The following SPATA18 variants were observed in gnomAD, a reference collection of about 807,000 sequenced individuals.
SPATA18 encodes the protein spermatogenesis associated 18.
Under a neutral mutation model 68.1 loss-of-function variants are expected in SPATA18, and 54 were observed. The observed-to-expected ratio is 0.79, with a 90% CI of 0.64 to 0.99. The LOEUF is 0.99. Ranked by LOEUF, SPATA18 falls within the 50% of genes least tolerant of loss-of-function variation. SPATA18 has a pLI of 0.00. For missense variants in SPATA18, 724 were observed against 681.1 expected, an observed-to-expected ratio of 1.06 and a Z score of -0.70; for synonymous variants, 242 against 244.8, an observed-to-expected ratio of 0.99 and a Z score of 0.11.
intron 1 of SPATA18, among the ~76,000 whole-genome samples, chr4:52,058,724 T>TTG (rs1351465808): frequency 4.6e-5 from 7 of 152,128 alleles, no homozygotes; most frequent in Middle Eastern, 3.2e-3. Flanking sequence ...CAGTCCTCCA[T>TTG]GTACTCCCAG....
At chr4:52,080,543 G>A (rs1180545806) in intron 9 of SPATA18, among the ~76,000 whole-genome samples, 1 of 152,094 alleles carries the variant, frequency 6.6e-6, no homozygotes, top group Non-Finnish European at 1.5e-5. Flanking sequence ...GAGATCACAG[G>A]ATATAGCTGG....
intron 10 of SPATA18, chr4:52,082,876 T>C (rs1334005752): frequency 4.1e-6 from 4 of 985,258 alleles, no homozygotes; most frequent in Non-Finnish European, 4.8e-6. Context: ...CAGGAAACGA[T>C]TTGCCAAATT....
At position 52,080,755 on chromosome 4, in the gene SPATA18, C is replaced by T. The variant is rs144991640; in HGVS notation, c.1355+836C>T. On this transcript the variant is annotated intron_variant, in intron 9 of 12. Transcript: ENST00000295213. ...AATAATAATGCCTACTTCCTAGGGTCGTAGAAGGTTAGTTGAGATAATTCA... is the reference window on the plus strand; with the variant it reads ...AATAATAATGCCTACTTCCTAGGGTTGTAGAAGGTTAGTTGAGATAATTCA... Among the ~76,000 whole-genome samples, 17 of 152,254 alleles carry T rather than the reference C, an allele frequency of 1.1e-4. No individual in the cohort carries two copies. The East Asian group carries it at 3.1e-3, about 28-fold the overall frequency.
intron 10 of SPATA18, chr4:52,082,836 A>G (rs763757871): frequency 3.9e-5 from 38 of 985,160 alleles, no homozygotes; most frequent in Non-Finnish European, 4.6e-5. Flanking sequence ...GGATTGCCAT[A>G]ATCCTAAGCA....
chr4:52,070,815 C>T (rs1560592638), intron 5 of SPATA18, among the ~76,000 whole-genome samples: 1 of 151,930 alleles, frequency 6.6e-6, no homozygotes, highest in Non-Finnish European at 1.5e-5. Context: ...ACAGCAATCT[C>T]ATAAAAAAAT....
Position 52,062,234 on chromosome 4 carries a change from G to C in SPATA18, c.324G>C (p.Arg108Ser). 2 of 1,594,960 alleles carry C rather than the reference G, an allele frequency of 1.3e-6. No homozygotes were observed. ...TATCTTTCCAGGACACGTTTGATAGGGAGAGACATAAAGATCCCAGTCCTC... is the reference window on the plus strand; with the variant it reads ...TATCTTTCCAGGACACGTTTGATAGCGAGAGACATAAAGATCCCAGTCCTC... ...KVPSLQDTFDRERHKDPSPRD... is the reference protein window; with the variant it reads ...KVPSLQDTFDSERHKDPSPRD... Residue 108 changes from arginine (R) to serine (S), a missense_variant, in exon 4 of 13, where the codon AGG becomes AGC. Coordinates refer to ENST00000295213, the MANE Select transcript of SPATA18 (RefSeq NM_145263.4).
intron 11 of SPATA18, among the ~76,000 whole-genome samples, chr4:52,088,930 T>C (rs983271418): frequency 3.9e-5 from 6 of 152,244 alleles, no homozygotes; most frequent in Non-Finnish European, 5.9e-5. Flanking sequence ...TTTTGGTTGG[T>C]AGGCTATTAA....
At chr4:52,066,502 A>G (rs902175564) in intron 4 of SPATA18, among the ~76,000 whole-genome samples, 4 of 152,126 alleles carry the variant, frequency 2.6e-5, no homozygotes, top group Non-Finnish European at 5.9e-5. Context: ...TTTTAAAAAT[A>G]TTATATTTTA....
At position 52,094,926 on chromosome 4, in the gene SPATA18, C is replaced by T; in HGVS notation, c.*39C>T. On this transcript the variant is annotated 3_prime_UTR_variant, in exon 13 of 13. Transcript: ENST00000295213. Reference sequence around the variant, plus strand: ...GCTCCTTTGACCCAGTGCGTGGAAACAGCTGCTTTCTCCAGTGCCGCCATC... The same window carrying T: ...GCTCCTTTGACCCAGTGCGTGGAAATAGCTGCTTTCTCCAGTGCCGCCATC... 1 of 1,613,750 alleles carries T rather than the reference C, an allele frequency of 6.2e-7. No homozygotes were observed. Among genetic ancestry groups the T allele is most frequent in the Non-Finnish European group, 8.5e-7 (1 of 1,179,672 alleles).
rs773954729 is a variant in SPATA18, at chr4:52,076,821, T to TAGCTGCAGCCGC, written c.805_816dup (p.Cys269_Ser272dup). 4 of 1,614,110 alleles carry TAGCTGCAGCCGC rather than the reference T, an allele frequency of 2.5e-6. No individual in the cohort carries two copies. Among genetic ancestry groups the TAGCTGCAGCCGC allele is most frequent in the South Asian group, 1.1e-5 (1 of 91,064 alleles). On this transcript the variant is annotated inframe_insertion, in exon 7 of 13. Coordinates refer to ENST00000295213, the MANE Select transcript of SPATA18 (RefSeq NM_145263.4). ...CTCCCAGCCCTGCCCCTCGCAGCCGTAGCTGCAGCCGCAGCAGATCTGCCA... is the reference window on the plus strand; with the variant it reads ...CTCCCAGCCCTGCCCCTCGCAGCCGTAGCTGCAGCCGCAGCTGCAGCCGCAGCAGATCTGCCA...
At chr4:52,082,748 T>A in intron 10 of SPATA18, 1 of 1,348,202 alleles carries the variant, frequency 7.4e-7, no homozygotes, top group Non-Finnish European at 9.5e-7. Context: ...GGAGATGGAA[T>A]CAGTCATATT....
intron 1 of SPATA18, among the ~76,000 whole-genome samples, chr4:52,055,419 C>A (rs970945420): frequency 2.0e-5 from 3 of 152,174 alleles, no homozygotes; most frequent in Admixed American, 6.5e-5. Flanking sequence ...GCATTGTCCC[C>A]TAGAACATTG....
chr4:52,076,255 G>T (rs1462004472), intron 6 of SPATA18, among the ~76,000 whole-genome samples: 1 of 152,124 alleles, frequency 6.6e-6, no homozygotes, highest in Admixed American at 6.6e-5. Context: ...AGGCAAAAGG[G>T]TCATCTAAGA....
Position 52,051,595 on chromosome 4 carries a change from C to T in SPATA18, c.-110C>T. 2 of 1,053,538 alleles carry T rather than the reference C, an allele frequency of 1.9e-6. No individual in the cohort carries two copies. The highest frequency in any genetic ancestry group is 2.9e-6 in the Non-Finnish European group (2 of 680,764). 65.3% of individuals were successfully genotyped at this position (1,053,538 alleles called of 1,614,324 possible). On this transcript the variant is annotated 5_prime_UTR_variant, in exon 1 of 13. Coordinates refer to ENST00000295213, the MANE Select transcript of SPATA18 (RefSeq NM_145263.4). ...AAACACCTGCCGCGCTCTGAGCCCC[C>T]CAGAAGAGAACACCCTTCCCGCCAT...
At chr4:52,075,447 A>G (rs1740254150) in intron 6 of SPATA18, among the ~76,000 whole-genome samples, 1 of 152,106 alleles carries the variant, frequency 6.6e-6, no homozygotes, top group Non-Finnish European at 1.5e-5. Context: ...AAAGTAAGAA[A>G]GGGAGTTTGT....
At chr4:52,090,555 G>T (rs1463804127) in intron 11 of SPATA18, among the ~76,000 whole-genome samples, 1 of 152,136 alleles carries the variant, frequency 6.6e-6, no homozygotes, top group Non-Finnish European at 1.5e-5. Context: ...AGTTTGGCTG[G>T]ATATGAAATT....
rs182301278 is a variant in SPATA18 at position 52,053,805 on chromosome 4, A to G, written c.87+2014A>G. Among the ~76,000 whole-genome samples the G allele has an allele frequency of 7.2e-5, 11 of 152,292 alleles. No homozygotes were observed. The East Asian group carries it at 1.9e-3, about 27-fold the overall frequency. On this transcript the variant is annotated intron_variant, in intron 1 of 12. Transcript: ENST00000295213. ...CTACCACCCTTCTCCATCCTTGATC[A>G]TCTTTCACCTGGATTATTACAAAAA...
At chr4:52,083,478 G>T (rs1377296609) in intron 10 of SPATA18, 1 of 985,246 alleles carries the variant, frequency 1.0e-6, no homozygotes, top group Non-Finnish European at 1.2e-6. Flanking sequence ...AGCTGGGCAT[G>T]GTGGCCCACA....
chr4:52,071,775 A>G, intron 5 of SPATA18, 142 bp from the exon 6 acceptor site: 1 of 814,398 alleles, frequency 1.2e-6, no homozygotes, highest in Non-Finnish European at 1.9e-6. Context: ...TATTTCCATC[A>G]GAGTTTCCCA....
Sources: gnomAD v4.1 joint callset for allele counts (sites outside exome capture counted in the v4.1 genomes callset) on GRCh38, gnomAD v4.1.1 for gene constraint, MANE v1.5 for transcripts, NCBI Gene and HGNC (gene_info 2026-07-23, HGNC 2026-07-21) for gene names.